Variants in PCDH9 observed in about 807,000 individuals in gnomAD.
PCDH9 encodes protocadherin 9, also known as protocadherin-9.
PCDH9 carries 24 observed loss-of-function variants against 70.6 expected under a neutral mutation model. The observed-to-expected ratio is 0.34, with a 90% confidence interval of 0.25 to 0.48. The LOEUF (loss-of-function observed/expected upper bound fraction) is 0.48. Ranked by LOEUF, PCDH9 falls within the 20% of genes least tolerant of loss-of-function variation. The pLI is 0.99. For missense variants in PCDH9, 1,281 were observed against 1,503.6 expected (o/e 0.85, Z 2.45); for synonymous variants, 562 against 558.5 (o/e 1.01, Z -0.09).
chr13:66,479,926 C>T (rs543855581), intron 4 of PCDH9, among the ~76,000 whole-genome samples: 12 of 152,286 alleles, frequency 7.9e-5, no homozygotes, highest in South Asian at 2.1e-4. Context: ...AGTGGCAACC[C>T]GCTCGGGTCC....
At chr13:66,447,396 T>A (rs2138418661) in intron 4 of PCDH9, among the ~76,000 whole-genome samples, 1 of 152,118 alleles carries the variant, frequency 6.6e-6, no homozygotes, top group African/African-American at 2.4e-5. Flanking sequence ...AAAATATAAC[T>A]GGGAATAATT....
At chr13:66,429,817 T>C (rs1447020764) in intron 4 of PCDH9, among the ~76,000 whole-genome samples, 1 of 152,142 alleles carries the variant, frequency 6.6e-6, no homozygotes, top group Non-Finnish European at 1.5e-5. Context: ...TTGCTGTTGA[T>C]AGTCAAGGAC....
intron 3 of PCDH9, among the ~76,000 whole-genome samples, chr13:66,843,753 A>G: frequency 6.6e-6 from 1 of 152,234 alleles, no homozygotes; most frequent in East Asian, 1.9e-4. Flanking sequence ...CTGGGGCCCC[A>G]TAGCAAAGTC....
At chr13:66,813,783 T>C (rs895764651) in intron 3 of PCDH9, among the ~76,000 whole-genome samples, 4 of 152,252 alleles carry the variant, frequency 2.6e-5, no homozygotes, top group South Asian at 2.1e-4. Flanking sequence ...AGTATTCTTA[T>C]AGAAGAACAA....
intron 2 of PCDH9, among the ~76,000 whole-genome samples, chr13:67,199,474 T>A (rs936353407): frequency 2.0e-5 from 3 of 151,932 alleles, no homozygotes; most frequent in African/African-American, 7.2e-5. Context: ...GCAAAATACA[T>A]CTTTGAAGTG....
chr13:66,896,466 G>T (rs865955703), intron 3 of PCDH9, among the ~76,000 whole-genome samples: 11 of 151,710 alleles, frequency 7.3e-5, no homozygotes, highest in South Asian at 2.1e-4. Flanking sequence ...ATAATAAGAG[G>T]CTATTATATG....
chr13:66,830,837 A>G (rs1239963744), intron 3 of PCDH9, among the ~76,000 whole-genome samples: 2 of 152,226 alleles, frequency 1.3e-5, no homozygotes, highest in Non-Finnish European at 2.9e-5. Flanking sequence ...AATGAATTAA[A>G]GGTATTAGTA....
chr13:67,111,889 T>C (rs1802317895), intron 2 of PCDH9, among the ~76,000 whole-genome samples: 1 of 152,230 alleles, frequency 6.6e-6, no homozygotes, highest in Admixed American at 6.5e-5. Context: ...ATATAATTAA[T>C]AGTGTTATTA....
At chr13:67,070,647 G>A (rs1392069191) in intron 2 of PCDH9, among the ~76,000 whole-genome samples, 1 of 152,028 alleles carries the variant, frequency 6.6e-6, no homozygotes, top group Non-Finnish European at 1.5e-5. Context: ...ATTATACAGA[G>A]GACATCTAGA....
At chr13:66,621,488 G>T (rs1168712015) in intron 4 of PCDH9, among the ~76,000 whole-genome samples, 2 of 152,166 alleles carry the variant, frequency 1.3e-5, no homozygotes, top group African/African-American at 4.8e-5. Context: ...TGAGGAAAAG[G>T]TATAAGGTTC....
chr13:66,670,879 T>C (rs1277474356), intron 3 of PCDH9, among the ~76,000 whole-genome samples: 1 of 142,410 alleles, frequency 7.0e-6, no homozygotes, highest in African/African-American at 2.6e-5. Context: ...ATCATTAGGG[T>C]AGGCCCTTAT....
intron 3 of PCDH9, among the ~76,000 whole-genome samples, chr13:66,897,031 A>T (rs1413063004): frequency 6.6e-6 from 1 of 152,178 alleles, no homozygotes; most frequent in Admixed American, 6.6e-5. Context: ...CTCTTCTTGC[A>T]TCTTGAGTAT....
At chr13:66,955,797 G>A (rs1391182362) in intron 2 of PCDH9, among the ~76,000 whole-genome samples, 2 of 152,134 alleles carry the variant, frequency 1.3e-5, no homozygotes, top group African/African-American at 4.8e-5. Flanking sequence ...ATACATAAGG[G>A]ATGAACTACA....
intron 4 of PCDH9, among the ~76,000 whole-genome samples, chr13:66,549,461 TTAA>T (rs933884730): frequency 8.5e-5 from 13 of 152,268 alleles, no homozygotes; most frequent in Non-Finnish European, 1.5e-5. Context: ...CATTTAATTC[TTAA>T]TAAACTGTAC....
At chr13:66,410,542 A>T (rs997253212) in intron 4 of PCDH9, among the ~76,000 whole-genome samples, 3 of 152,194 alleles carry the variant, frequency 2.0e-5, no homozygotes, top group Non-Finnish European at 4.4e-5. Context: ...ATGATTTCTC[A>T]TGTTCCAGAA....
At chr13:66,321,576 C>A (rs895008726) in intron 4 of PCDH9, among the ~76,000 whole-genome samples, 1 of 151,730 alleles carries the variant, frequency 6.6e-6, no homozygotes, top group Admixed American at 6.6e-5. Flanking sequence ...CTTTTGAATC[C>A]CTAAGATGGT....
intron 4 of PCDH9, among the ~76,000 whole-genome samples, chr13:66,620,463 T>C (rs927176631): frequency 6.6e-6 from 1 of 152,132 alleles, no homozygotes; most frequent in Admixed American, 6.5e-5. Flanking sequence ...CAAAGAAGGC[T>C]ACATTGCATA....
intron 2 of PCDH9, chr13:67,209,365 A>G (rs2089423699): frequency 6.6e-6 from 1 of 152,140 alleles, no homozygotes; most frequent in Non-Finnish European, 1.5e-5. Context: ...TGTGAGCATT[A>G]AAGAGACTGC....
chr13:66,649,410 T>C (rs878953114), intron 3 of PCDH9, among the ~76,000 whole-genome samples: 5 of 151,914 alleles, frequency 3.3e-5, no homozygotes, highest in African/African-American at 1.2e-4. Context: ...CATGACATAT[T>C]TGAAGTGCAA....
Sources: gnomAD v4.1 joint callset for allele counts (sites outside exome capture counted in the v4.1 genomes callset) on GRCh38, gnomAD v4.1.1 for gene constraint, MANE v1.5 for transcripts, NCBI Gene and HGNC (gene_info 2026-07-23, HGNC 2026-07-21) for gene names.